Variants in PRUNE1 observed in about 807,000 individuals in gnomAD.
PRUNE1 encodes the protein prune exopolyphosphatase 1.
A neutral mutation model predicts 42.5 loss-of-function variants in PRUNE1; 25 were observed. That is an observed-to-expected ratio of 0.59 (90% CI 0.43 to 0.82). The LOEUF is 0.82. Ranked by LOEUF, PRUNE1 falls within the 40% of genes least tolerant of loss-of-function variation. The pLI, the probability that PRUNE1 is intolerant of heterozygous loss-of-function variation, is 0.00. For synonymous variants in PRUNE1, 203 were observed against 217.1 expected (o/e 0.93, Z 0.57); for missense variants, 443 against 539.3 (o/e 0.82, Z 1.77).
At chr1:151,030,761 C>G (rs905315648) in intron 7 of PRUNE1, among the ~76,000 whole-genome samples, 2 of 152,168 alleles carry the variant, frequency 1.3e-5, no homozygotes, top group Non-Finnish European at 2.9e-5. Context: ...GCTGGAATTA[C>G]AAGCCTGAGC....
chr1:151,025,135 TC>T (rs1243192192), intron 4 of PRUNE1, among the ~76,000 whole-genome samples: 1 of 132,180 alleles, frequency 7.6e-6, no homozygotes, highest in Non-Finnish European at 1.6e-5. Context: ...TCTTAACCTT[TC>T]TTGTTCTCAT....
At chr1:151,013,996 T>C (rs1673942177) in intron 1 of PRUNE1, among the ~76,000 whole-genome samples, 1 of 152,098 alleles carries the variant, frequency 6.6e-6, no homozygotes, top group Non-Finnish European at 1.5e-5. Flanking sequence ...TTTTTTTTTT[T>C]TGAGACAGAG....
In PRUNE1 at chr1:151,027,237, G is replaced by A. The variant is rs1303516288; in HGVS notation, c.684G>A (p.Leu228=). The A allele has an allele frequency of 1.2e-6, 2 of 1,606,780 alleles. No individual in the cohort carries two copies. Among genetic ancestry groups the A allele is most frequent in the Non-Finnish European group, 1.7e-6 (2 of 1,173,790 alleles). ...LQKAKFDVSG[L]TTEQMLRKDQ... ...AGTCTCTCATCTGCTTTCTAGGACTGACCACTGAGCAGATGCTGAGAAAAG... is the reference window on the plus strand; with the variant it reads ...AGTCTCTCATCTGCTTTCTAGGACTAACCACTGAGCAGATGCTGAGAAAAG... Residue 228 remains leucine, a synonymous_variant, in exon 6 of 8, where the codon CTG becomes CTA. Coordinates refer to ENST00000271620, the MANE Select transcript of PRUNE1 (RefSeq NM_021222.3).
At chr1:151,019,596 TA>T (rs1361760360) in intron 3 of PRUNE1, among the ~76,000 whole-genome samples, 3 of 151,704 alleles carry the variant, frequency 2.0e-5, no homozygotes, top group Non-Finnish European at 4.4e-5. Flanking sequence ...AGATTTATTG[TA>T]ATAGAAACCT....
At chr1:151,032,717 A>AG (rs960940100) in intron 7 of PRUNE1, among the ~76,000 whole-genome samples, 1 of 151,448 alleles carries the variant, frequency 6.6e-6, no homozygotes, top group Admixed American at 6.6e-5. Flanking sequence ...CTGTCTCAAA[A>AG]AAAAAAAAAA....
intron 3 of PRUNE1, among the ~76,000 whole-genome samples, chr1:151,024,228 G>GTTT (rs982605853): frequency 2.7e-5 from 4 of 150,530 alleles, no homozygotes; most frequent in Admixed American, 2.0e-4. Flanking sequence ...TTAGGCAGAG[G>GTTT]TAAAAGTAAC....
intron 1 of PRUNE1, among the ~76,000 whole-genome samples, chr1:151,016,793 C>T (rs1188530685): frequency 2.6e-5 from 4 of 151,862 alleles, no homozygotes; most frequent in East Asian, 1.9e-4. Flanking sequence ...CCAGCCACCA[C>T]GCCCAGCCCT....
In PRUNE1 at chr1:151,026,326, T is replaced by C. The variant is rs138984454; in HGVS notation, c.679+653T>C. On this transcript the variant is annotated intron_variant, in intron 5 of 7. Transcript: ENST00000271620. Reference sequence around the variant, plus strand: ...ACGAAAAATTAGCTGAGCGTGGTGGTGTGTGCCTGTAATCCCATCTACTCA... The same window carrying C: ...ACGAAAAATTAGCTGAGCGTGGTGGCGTGTGCCTGTAATCCCATCTACTCA... Among the ~76,000 whole-genome samples the C allele has an allele frequency of 3.8e-3, 575 of 151,810 alleles. 6 individuals are homozygous for C. Among genetic ancestry groups the C allele is most frequent in the African/African-American group, 0.013 (540 of 41,400 alleles).
In PRUNE1 at chr1:151,024,595, A is replaced by T. The variant is rs587743728; in HGVS notation, c.336-16A>T. 7 of 1,587,184 alleles carry T rather than the reference A, an allele frequency of 4.4e-6. No individual in the cohort carries two copies. The South Asian group carries it at 6.6e-5, about 15-fold the overall frequency. Reference sequence around the variant, plus strand: ...CCTATCTTTCTTCCTCTTTTCCCATACCCTCCCCTCCACAGAAGTGACACA... The same window carrying T: ...CCTATCTTTCTTCCTCTTTTCCCATTCCCTCCCCTCCACAGAAGTGACACA... On this transcript the variant is annotated splice_polypyrimidine_tract_variant and intron_variant, in intron 3 of 7. Transcript: ENST00000271620.
intron 3 of PRUNE1, among the ~76,000 whole-genome samples, chr1:151,020,913 C>T (rs1396985709): frequency 2.6e-5 from 4 of 151,014 alleles, no homozygotes; most frequent in African/African-American, 4.9e-5. Flanking sequence ...ACCCGGGAGG[C>T]GGAGCTTTCA....
chr1:151,024,970 G>A (rs1206217481), intron 4 of PRUNE1, among the ~76,000 whole-genome samples, 175 bp downstream of exon 4: 1 of 152,142 alleles, frequency 6.6e-6, no homozygotes, highest in Non-Finnish European at 1.5e-5. Flanking sequence ...AGGCCTGTGG[G>A]ATACTTGTTG....
At chr1:151,018,411 A>T in intron 2 of PRUNE1, 56 bp from the exon 3 acceptor site, 1 of 1,452,060 alleles carries the variant, frequency 6.9e-7, no homozygotes, top group Non-Finnish European at 9.6e-7. Flanking sequence ...TAGTCTTGTT[A>T]CTTTTTCCTG....
chr1:151,012,866 G>T (rs1423052515), intron 1 of PRUNE1, among the ~76,000 whole-genome samples: 3 of 151,972 alleles, frequency 2.0e-5, no homozygotes, highest in Non-Finnish European at 4.4e-5. Context: ...CCGCCTCCCG[G>T]GTTCAAGCAA....
chr1:151,008,500 G>A lies in PRUNE1; in HGVS notation c.-133G>A. On this transcript the variant is annotated 5_prime_UTR_variant, in exon 1 of 8. Transcript: ENST00000271620. The stretch of plus-strand genomic sequence containing the variant: ...TCGGAGGCCGATTCGCCGTGTGGCG[G>A]GTTCGAGTCCCGCCTCCTGACTCTG... 5.5e-6 allele frequency: 7 copies of A among 1,284,178 alleles called. No individual in the cohort carries two copies. Among genetic ancestry groups the A allele is most frequent in the Middle Eastern group, 3.8e-4 (2 of 5,230 alleles). The allele number at this position is 1,284,178 out of a possible 1,614,324, so 79.5% of individuals were successfully genotyped here.
rs1673474236 is a variant in PRUNE1 at position 151,008,496 on chromosome 1, G to C, written c.-137G>C. 3 of 1,268,480 alleles carry C rather than the reference G, an allele frequency of 2.4e-6. No individual in the cohort carries two copies. In the East Asian group the frequency reaches 7.0e-5, roughly 30 times the overall value. 78.6% of individuals were successfully genotyped at this position (1,268,480 alleles called of 1,614,324 possible). On this transcript the variant is annotated 5_prime_UTR_variant, in exon 1 of 8. Coordinates refer to ENST00000271620, the MANE Select transcript of PRUNE1 (RefSeq NM_021222.3). ...GGGGTCGGAGGCCGATTCGCCGTGTGGCGGGTTCGAGTCCCGCCTCCTGAC... is the reference window on the plus strand; with the variant it reads ...GGGGTCGGAGGCCGATTCGCCGTGTCGCGGGTTCGAGTCCCGCCTCCTGAC...
chr1:151,013,997 T>G (rs1276945826), intron 1 of PRUNE1, among the ~76,000 whole-genome samples: 3 of 151,930 alleles, frequency 2.0e-5, no homozygotes, highest in African/African-American at 7.3e-5. Flanking sequence ...TTTTTTTTTT[T>G]GAGACAGAGT....
Position 151,022,575 on chromosome 1 carries a change from C to T in PRUNE1, c.336-2036C>T, listed in dbSNP as rs182380739. Among the ~76,000 whole-genome samples, 250 of 151,950 alleles carry T rather than the reference C, an allele frequency of 1.6e-3. 2 individuals are homozygous for T. The highest frequency in any genetic ancestry group is 5.6e-3 in the African/African-American group (231 of 41,468). On this transcript the variant is annotated intron_variant, in intron 3 of 7. Transcript: ENST00000271620. ...CTGGGACTACAGGTGTGCCCGCCACCACACCTGGCTAATTTTTGTATTTTT... is the reference window on the plus strand; with the variant it reads ...CTGGGACTACAGGTGTGCCCGCCACTACACCTGGCTAATTTTTGTATTTTT...
At chr1:151,029,050 T>G in intron 7 of PRUNE1, 106 bp downstream of exon 7, 1 of 1,197,550 alleles carries the variant, frequency 8.4e-7, no homozygotes, top group Non-Finnish European at 1.2e-6. Context: ...GTTCTTATAT[T>G]AATGTACTTA....
chr1:151,022,336 C>T (rs1345399409), intron 3 of PRUNE1, among the ~76,000 whole-genome samples: 1 of 151,848 alleles, frequency 6.6e-6, no homozygotes, highest in Non-Finnish European at 1.5e-5. Context: ...TCTCAAACTC[C>T]TGGCCTCAAG....
Sources: gnomAD v4.1 joint callset for allele counts (sites outside exome capture counted in the v4.1 genomes callset) on GRCh38, gnomAD v4.1.1 for gene constraint, MANE v1.5 for transcripts, NCBI Gene and HGNC (gene_info 2026-07-23, HGNC 2026-07-21) for gene names.